MED14: variants seen among roughly 807,000 people sequenced by gnomAD.
The protein encoded by MED14 is mediator complex subunit 14, also known as mediator of RNA polymerase II transcription subunit 14.
In MED14, 8 loss-of-function variants were observed where a neutral mutation model predicts 109.0. The observed-to-expected ratio is 0.07, with a 90% confidence interval of 0.04 to 0.13. The LOEUF (loss-of-function observed/expected upper bound fraction) is 0.13, where lower values mean the gene tolerates loss of function less well. Ranked by LOEUF, MED14 falls within the 10% of genes least tolerant of loss-of-function variation. The pLI is 1.00. For missense variants in MED14, 711 were observed against 1,142.4 expected, an observed-to-expected ratio of 0.62 and a Z score of 5.44; for synonymous variants, 399 against 408.7, an observed-to-expected ratio of 0.98 and a Z score of 0.29.
chrX:40,733,768 G>A (rs1932159587), intron 1 of MED14, among the ~76,000 whole-genome samples: 1 of 112,026 alleles, frequency 8.9e-6, no homozygotes, highest in South Asian at 3.7e-4. Context: ...CAGGAGGGAG[G>A]ACAGTGGAAT....
chrX:40,726,556 C>A, intron 3 of MED14, 190 bp downstream of exon 3: 1 of 375,957 alleles, frequency 2.7e-6, no homozygotes, highest in Non-Finnish European at 4.7e-6. Context: ...GCTATCTCCT[C>A]TTCTTTCTGA....
At chrX:40,702,277 G>A (rs1930963677) in intron 11 of MED14, among the ~76,000 whole-genome samples, 1 of 109,650 alleles carries the variant, frequency 9.1e-6, no homozygotes, top group African/African-American at 3.3e-5. Context: ...TAATTTTTGT[G>A]TGTTTAAGTT....
chrX:40,665,013 C>T (rs150659202), intron 24 of MED14, among the ~76,000 whole-genome samples: 126 of 111,431 alleles, frequency 1.1e-3, no homozygotes, highest in African/African-American at 3.9e-3. Context: ...TTGGTATCTA[C>T]GAAGATATTC....
chrX:40,704,729 AAAGT>A (rs1329016012), intron 10 of MED14, among the ~76,000 whole-genome samples: 1 of 112,413 alleles, frequency 8.9e-6, no homozygotes, highest in Non-Finnish European at 1.9e-5. Flanking sequence ...ACAAATTAAT[AAAGT>A]AAAAGATTGC....
In MED14 at chrX:40,711,356, C is replaced by T. The variant is rs938776781; in HGVS notation, c.890-55G>A. The T allele has an allele frequency of 1.1e-5, 11 of 974,373 alleles. No individual in the cohort carries two copies. In the African/African-American group the frequency reaches 1.4e-4, roughly 12 times the overall value. The allele number at this position is 974,373 out of a possible 1,213,427, so 80.3% of individuals were successfully genotyped here. ...CATTACACCAACAGTCAATCAAGTCCAGGAGAACTTCATTTAAGGAAGGTT... is the reference window on the plus strand; with the variant it reads ...CATTACACCAACAGTCAATCAAGTCTAGGAGAACTTCATTTAAGGAAGGTT... On this transcript the variant is annotated intron_variant, in intron 7 of 30. Transcript: ENST00000324817.
intron 26 of MED14, among the ~76,000 whole-genome samples, chrX:40,661,094 GTTTGT>G (rs1418778370): frequency 1.9e-5 from 2 of 107,219 alleles, no homozygotes; most frequent in East Asian, 5.9e-4. Context: ...TTTGTTTTTT[GTTTGT>G]TTTGAGAGTC....
intron 23 of MED14, among the ~76,000 whole-genome samples, chrX:40,668,140 T>G (rs748609547): frequency 1.8e-5 from 2 of 111,464 alleles, no homozygotes; most frequent in African/African-American, 6.5e-5. Context: ...CCCAGCACTT[T>G]GGGAGGGCGA....
chrX:40,662,547 A>G (rs1929324021), intron 26 of MED14, among the ~76,000 whole-genome samples: 1 of 111,398 alleles, frequency 9.0e-6, no homozygotes, highest in South Asian at 3.8e-4. Flanking sequence ...ATAAAGACTC[A>G]GAGTCAAAAT....
At chrX:40,698,547 G>A (rs1229222630) in intron 12 of MED14, among the ~76,000 whole-genome samples, 1 of 111,780 alleles carries the variant, frequency 8.9e-6, no homozygotes, top group African/African-American at 3.2e-5. Context: ...AACTTTATCT[G>A]TTGATTCTAA....
chrX:40,733,296 A>G (rs931046314), intron 1 of MED14, among the ~76,000 whole-genome samples: 66 of 109,008 alleles, frequency 6.1e-4, no homozygotes, highest in Non-Finnish European at 1.2e-3. Context: ...CTAATTTTCT[A>G]TTTTTGGTAG....
chrX:40,697,931 A>G (rs189941117), intron 12 of MED14, among the ~76,000 whole-genome samples: 2 of 112,151 alleles, frequency 1.8e-5, no homozygotes. Context: ...TATGTGCAGT[A>G]AAACCATGTT....
intron 1 of MED14, 113 bp downstream of exon 1, chrX:40,735,085 A>T: frequency 2.0e-6 from 1 of 511,274 alleles, no homozygotes; most frequent in Non-Finnish European, 2.9e-6. Flanking sequence ...ATTCTAGACT[A>T]AGCAGTCCAG....
intron 30 of MED14, among the ~76,000 whole-genome samples, chrX:40,652,192 G>A (rs1326938446): frequency 2.7e-5 from 3 of 111,940 alleles, no homozygotes; most frequent in Non-Finnish European, 5.6e-5. Context: ...GGGCTTTAAG[G>A]CTACTGAGTG....
intron 28 of MED14, among the ~76,000 whole-genome samples, chrX:40,657,513 G>C (rs895824022): frequency 1.8e-5 from 2 of 111,400 alleles, no homozygotes; most frequent in African/African-American, 6.5e-5. Context: ...TTCAACCCTA[G>C]GGTCTTCAGA....
intron 11 of MED14, among the ~76,000 whole-genome samples, chrX:40,703,141 T>C (rs763735259): frequency 2.7e-4 from 30 of 112,092 alleles, no homozygotes; most frequent in Non-Finnish European, 5.3e-4. Context: ...AGTGGTAAAA[T>C]AGAAACTGAG....
chrX:40,682,947 G>C lies in MED14; in HGVS notation c.2107C>G (p.Arg703Gly). ...ITEETQKALD[R>G]SLLDCTFRLQ... ...CGGAAAGTGCAATCAAGAAGAGAGCGGTCCAGAGCCTTTTGGGTTTCCTCA... is the reference window on the plus strand; with the variant it reads ...CGGAAAGTGCAATCAAGAAGAGAGCCGTCCAGAGCCTTTTGGGTTTCCTCA... The change falls in exon 17 of 31, where the codon CGC (arginine) becomes GGC (glycine). Residue 703 changes from arginine to glycine, a missense_variant. By Grantham distance (125) the Arg-to-Gly change is moderately radical (BLOSUM62 -2). Around this residue, in one of 8 missense-constraint regions of MED14, gnomAD observed 388 missense variants for 517.3 expected, o/e 0.75. Transcript: ENST00000324817. The C allele has an allele frequency of 8.3e-7, 1 of 1,210,405 alleles. No individual in the cohort carries two copies. The highest frequency in any genetic ancestry group is 1.8e-5 in the South Asian group (1 of 56,830).
chrX:40,704,361 G>C (rs1931057283), intron 10 of MED14, among the ~76,000 whole-genome samples: 1 of 112,310 alleles, frequency 8.9e-6, no homozygotes, highest in Non-Finnish European at 1.9e-5. Flanking sequence ...AAGTTCCTCT[G>C]AAGCTACAGC....
intron 13 of MED14, 147 bp downstream of exon 13, chrX:40,696,877 T>C: frequency 2.1e-6 from 1 of 486,907 alleles, no homozygotes; most frequent in Non-Finnish European, 3.5e-6. Flanking sequence ...GTGACATTCC[T>C]CTCTCCCCAA....
rs370716960 is a variant in MED14 at position 40,688,551 on chromosome X, A to G, written c.1981-21T>C. On this transcript the variant is annotated intron_variant, in intron 15 of 30. Coordinates refer to ENST00000324817, the MANE Select transcript of MED14 (RefSeq NM_004229.4). ...GACAACTAGAAAGAGAAAAACAATTATATCAGACGACCAATTTTACAAAAA... is the reference window on the plus strand; with the variant it reads ...GACAACTAGAAAGAGAAAAACAATTGTATCAGACGACCAATTTTACAAAAA... 8.2e-6 allele frequency: 9 copies of G among 1,101,249 alleles called. No homozygotes were observed. The African/African-American group carries it at 1.6e-4, about 20-fold the overall frequency. 90.8% of individuals were successfully genotyped at this position (1,101,249 alleles called of 1,213,427 possible). A position where few individuals can be genotyped will look rare whatever the true frequency, so the allele number is the denominator to read the frequency against.
Sources: allele counts gnomAD v4.1 joint callset (sites outside exome capture counted in the v4.1 genomes callset), GRCh38; gene constraint gnomAD v4.1.1; regional missense constraint gnomAD v4.1.1; transcripts MANE v1.5; gene names NCBI Gene and HGNC (gene_info 2026-07-23, HGNC 2026-07-21).